Variants in SPTAN1 observed in about 807,000 individuals in gnomAD.
SPTAN1 encodes the protein spectrin alpha chain, non-erythrocytic 1.
A neutral mutation model predicts 331.3 loss-of-function variants in SPTAN1; 61 were observed. The ratio of observed to expected loss-of-function variants is 0.18; its 90% confidence interval spans 0.15 to 0.23. The LOEUF (loss-of-function observed/expected upper bound fraction) is 0.23. Among genes scored for constraint, SPTAN1 ranks in the 10% least tolerant of loss-of-function variants. The pLI, the probability that SPTAN1 is intolerant of heterozygous loss-of-function variation, is 1.00. For missense variants in SPTAN1, 2,043 were observed against 3,147.9 expected (o/e 0.65, Z 8.40); for synonymous variants, 1,153 against 1,173.9 (o/e 0.98, Z 0.36).
chr9:128,597,651 G>C (rs1854488619), intron 24 of SPTAN1, among the ~76,000 whole-genome samples: 1 of 152,062 alleles, frequency 6.6e-6, no homozygotes, highest in African/African-American at 2.4e-5. Context: ...GTTTTGTTTT[G>C]TTTTTGTTTT....
chr9:128,591,409 C>T (rs1853504280), intron 21 of SPTAN1, 68 bp from the exon 22 acceptor site: 10 of 1,603,678 alleles, frequency 6.2e-6, no homozygotes, highest in East Asian at 2.2e-5. Context: ...TGTGTATACA[C>T]GTGACCTCCT....
At chr9:128,599,130 C>A in intron 26 of SPTAN1, 144 bp downstream of exon 26, 1 of 853,284 alleles carries the variant, frequency 1.2e-6, no homozygotes, top group Non-Finnish European at 2.0e-6. Flanking sequence ...TGGAAAACTC[C>A]AAAAATTGAT....
rs1056216544 is a variant in SPTAN1, at chr9:128,591,368, T to A, written c.3007-109T>A. 4 of 1,449,802 alleles carry A rather than the reference T, an allele frequency of 2.8e-6. 1 individual carries two copies. Among genetic ancestry groups the A allele is most frequent in the Admixed American group, 1.7e-5 (1 of 58,640 alleles). The allele number at this position is 1,449,802 out of a possible 1,614,324, so 89.8% of individuals were successfully genotyped here. A position where few individuals can be genotyped will look rare whatever the true frequency, so the allele number is the denominator to read the frequency against. ...GGTGTGAGCCACTGTGGCCGGCCGT[T>A]TTGGACCTCTTAAAACAACGCTCTC... On this transcript the variant is annotated intron_variant, in intron 21 of 56. Transcript: ENST00000372739.
Position 128,582,523 on chromosome 9 carries a change from T to C in SPTAN1, c.1617T>C (p.Tyr539=), listed in dbSNP as rs755137553. ...FATKLIQNNH[Y]AMEDVATRRD... Reference sequence around the variant, plus strand: ...CCAAGCTAATTCAGAACAACCACTATGCAATGGAAGATGTGGCCACTCGCC... The same window carrying C: ...CCAAGCTAATTCAGAACAACCACTACGCAATGGAAGATGTGGCCACTCGCC... Residue 539 remains tyrosine (Y), a synonymous_variant, in exon 13 of 57, where the codon TAT becomes TAC. Transcript: ENST00000372739. The C allele has an allele frequency of 6.2e-7, 1 of 1,614,172 alleles. No homozygotes were observed. Among genetic ancestry groups the C allele is most frequent in the East Asian group, 2.2e-5 (1 of 44,894 alleles).
intron 41 of SPTAN1, among the ~76,000 whole-genome samples, chr9:128,617,108 G>A (rs1489903849): frequency 3.3e-5 from 5 of 150,394 alleles, no homozygotes; most frequent in African/African-American, 9.8e-5. Flanking sequence ...GCATAGTGGC[G>A]CACACCTGTG....
chr9:128,602,605 A>G (rs930704303), intron 27 of SPTAN1, among the ~76,000 whole-genome samples: 4 of 151,882 alleles, frequency 2.6e-5, no homozygotes, highest in African/African-American at 7.3e-5. Flanking sequence ...GAAAGATCCT[A>G]AGGGACTTTA....
intron 9 of SPTAN1, among the ~76,000 whole-genome samples, chr9:128,578,865 G>A (rs936442874): frequency 1.2e-4 from 18 of 150,882 alleles, no homozygotes; most frequent in African/African-American, 4.2e-4. Context: ...CCTTCTGAGA[G>A]GTTTTAATGT....
In SPTAN1 at chr9:128,627,168, C is replaced by T. The variant is rs1432407290; in HGVS notation, c.6577-218C>T. 6.3e-6 allele frequency: 4 copies of T among 633,236 alleles called. No homozygotes were observed. Among genetic ancestry groups the T allele is most frequent in the African/African-American group, 3.6e-5 (2 of 55,612 alleles). 39.2% of individuals were successfully genotyped at this position (633,236 alleles called of 1,614,324 possible). Reference sequence around the variant, plus strand: ...TCCCTGCTTGACTGACCAGTCGCTTCCCTCCAGGTCCGCCTCTTCCTTGAA... The same window carrying T: ...TCCCTGCTTGACTGACCAGTCGCTTTCCTCCAGGTCCGCCTCTTCCTTGAA... On this transcript the variant is annotated intron_variant, in intron 49 of 56. Transcript: ENST00000372739. This position sits in a 1 kb window ranked among gnomAD's most constrained non-coding sequence, Gnocchi z 4.9.
rs773841663 is a variant in SPTAN1, at chr9:128,625,093, C to G, written c.5993-10C>G. On this transcript the variant is annotated splice_polypyrimidine_tract_variant and intron_variant, in intron 46 of 56. Coordinates refer to ENST00000372739, the MANE Select transcript of SPTAN1 (RefSeq NM_001130438.3). The surrounding 1 kb of genome is among the most constrained non-coding windows in gnomAD (Gnocchi z 4.1). ...GGAGGGCAGTATATTTTCCACACTTCGTTTTCTAGGTGAAAAGGAGAACAG... is the reference window on the plus strand; with the variant it reads ...GGAGGGCAGTATATTTTCCACACTTGGTTTTCTAGGTGAAAAGGAGAACAG... The G allele has an allele frequency of 7.4e-6, 12 of 1,613,924 alleles. No individual in the cohort carries two copies. The highest frequency in any genetic ancestry group is 1.0e-5 in the Non-Finnish European group (12 of 1,179,864).
At chr9:128,565,828 C>A (rs1849966754) in intron 1 of SPTAN1, among the ~76,000 whole-genome samples, 1 of 152,158 alleles carries the variant, frequency 6.6e-6, no homozygotes, top group Non-Finnish European at 1.5e-5. Flanking sequence ...CTTATCTGTT[C>A]TGCTTCCTTA....
At chr9:128,606,640 A>C (rs13302463) in intron 31 of SPTAN1, among the ~76,000 whole-genome samples, 110,086 of 151,170 alleles carry the variant, frequency 0.73, 43,704 homozygotes, top group Non-Finnish European at 0.9. Flanking sequence ...TGCACCACCA[A>C]GCCCGGCTAA....
At position 128,623,975 on chromosome 9, in the gene SPTAN1, C is replaced by T. The variant is rs146131723; in HGVS notation, c.5833-353C>T. Reference sequence around the variant, plus strand: ...TGTTCGCCTATTAGTCCCAGCTACTCGGGAGGCTGAGGCAGGAGAATCTCT... The same window carrying T: ...TGTTCGCCTATTAGTCCCAGCTACTTGGGAGGCTGAGGCAGGAGAATCTCT... On this transcript the variant is annotated intron_variant, in intron 45 of 56. Transcript: ENST00000372739. Among the ~76,000 whole-genome samples, 403 of 148,040 alleles carry T rather than the reference C, an allele frequency of 2.7e-3. 10 individuals carry two copies. In the East Asian group the frequency reaches 0.04, roughly 15 times the overall value.
In SPTAN1 at chr9:128,598,383, T is replaced by A. The variant is rs1302193621; in HGVS notation, c.3415-17T>A. 3 of 1,605,882 alleles carry A rather than the reference T, an allele frequency of 1.9e-6. No homozygotes were observed. Among genetic ancestry groups the A allele is most frequent in the Non-Finnish European group, 2.6e-6 (3 of 1,175,316 alleles). On this transcript the variant is annotated splice_polypyrimidine_tract_variant and intron_variant, in intron 24 of 56. Transcript: ENST00000372739. ...TTGCTATTTTGGGTTTTAGTTATTATGGCTTTTGCTTTAAAGGACCTGAAG... is the reference window on the plus strand; with the variant it reads ...TTGCTATTTTGGGTTTTAGTTATTAAGGCTTTTGCTTTAAAGGACCTGAAG...
At chr9:128,562,165 C>T (rs1225742376) in intron 1 of SPTAN1, among the ~76,000 whole-genome samples, 3 of 152,048 alleles carry the variant, frequency 2.0e-5, no homozygotes, top group Non-Finnish European at 4.4e-5. Flanking sequence ...TGCAGTGACG[C>T]GATCTGGGCT....
In SPTAN1 at chr9:128,618,144, T is replaced by C. The variant is rs749763206; in HGVS notation, c.5600+36T>C. 3.1e-6 allele frequency: 5 copies of C among 1,611,328 alleles called. No homozygotes were observed. In the East Asian group the frequency reaches 1.1e-4, roughly 36 times the overall value. On this transcript the variant is annotated intron_variant, in intron 43 of 56. Transcript: ENST00000372739. The stretch of plus-strand genomic sequence containing the variant: ...AGAGGCAGGAGCTCCCGGGAACAAG[T>C]GGAAGGCCAGCACCCAAGGGCAGAC...
intron 1 of SPTAN1, among the ~76,000 whole-genome samples, chr9:128,560,188 A>G (rs1347960062): frequency 6.7e-6 from 1 of 148,480 alleles, no homozygotes. Context: ...GGTTCTGGCA[A>G]TTCTCCTGCC....
intron 16 of SPTAN1, 40 bp downstream of exon 16, chr9:128,584,009 A>G (rs780286059): frequency 6.2e-7 from 1 of 1,612,566 alleles, no homozygotes; most frequent in South Asian, 1.1e-5. Context: ...AAGTGAATGC[A>G]GAAACTATAG....
Position 128,606,379 on chromosome 9 carries a change from A to AAAAAAAC in SPTAN1, c.4046+908_4046+909insCAAAAAA, listed in dbSNP as rs1163233139. 2.1e-5 allele frequency among the ~76,000 whole-genome samples: 3 copies of AAAAAAAC among 142,624 alleles called. 1 individual carries two copies. Among genetic ancestry groups the AAAAAAAC allele is most frequent in the African/African-American group, 3.0e-5 (1 of 33,646 alleles). The allele number at this position is 142,624 out of a possible 152,430, so 93.6% of individuals were successfully genotyped here. A position where few individuals can be genotyped will look rare whatever the true frequency, so the allele number is the denominator to read the frequency against. ...GATGGAGCAAGACTCTGCCTCAAAA[A>AAAAAAAC]AAAAAAAAAAAAACAAGTCTCTACT... is the stretch of plus-strand genomic sequence containing the variant. On this transcript the variant is annotated intron_variant, in intron 31 of 56. Transcript: ENST00000372739.
At chr9:128,617,827 C>G (rs1438209525) in intron 42 of SPTAN1, 67 bp downstream of exon 42, 2 of 1,611,692 alleles carry the variant, frequency 1.2e-6, no homozygotes, top group East Asian at 2.2e-5. Context: ...ACAGACAAAC[C>G]CCTTGCGCTT....
Sources: gnomAD v4.1 joint callset for allele counts (sites outside exome capture counted in the v4.1 genomes callset) on GRCh38, gnomAD v4.1.1 for gene constraint, Gnocchi (gnomAD v3.1) non-coding constraint, MANE v1.5 for transcripts, NCBI Gene and HGNC (gene_info 2026-07-23, HGNC 2026-07-21) for gene names.